SERINC1: variants seen among roughly 807,000 people sequenced by gnomAD.
SERINC1 encodes the protein serine incorporator 1.
A neutral mutation model predicts 52.9 loss-of-function variants in SERINC1; 38 were observed. The observed-to-expected ratio is 0.72, with a 90% CI of 0.55 to 0.94. The LOEUF (loss-of-function observed/expected upper bound fraction) is 0.94. Ranked by LOEUF, SERINC1 falls within the 40% of genes least tolerant of loss-of-function variation. The pLI, the probability that SERINC1 is intolerant of heterozygous loss-of-function variation, is 0.00. For synonymous variants in SERINC1, 198 were observed against 183.1 expected, an observed-to-expected ratio of 1.08 and a Z score of -0.66; for missense variants, 471 against 533.9, an observed-to-expected ratio of 0.88 and a Z score of 1.16.
At chr6:122,448,630 T>C (rs1307904075) in intron 7 of SERINC1, among the ~76,000 whole-genome samples, 1 of 152,166 alleles carries the variant, frequency 6.6e-6, no homozygotes, top group Non-Finnish European at 1.5e-5. Context: ...AATTTAATAA[T>C]GTGAAAAAAT....
chr6:122,471,283 C>A (rs1443757655), intron 1 of SERINC1, among the ~76,000 whole-genome samples: 1 of 151,862 alleles, frequency 6.6e-6, no homozygotes, highest in African/African-American at 2.4e-5. Context: ...AGTCTGAGGT[C>A]GCCAGGAAAG....
Position 122,454,170 on chromosome 6 carries a change from T to C in SERINC1, c.432A>G (p.Pro144=), listed in dbSNP as rs1774959348. Residue 144 remains proline (P), a synonymous_variant, in exon 4 of 10, where the codon CCA becomes CCG. Transcript: ENST00000339697. ...TCTTACCAGTTGTAAAAGTTCCTTC[T>C]GGAATGAAGAATGCCCCAATAATAA... ...IAIIIGAFFI[P]EGTFTTVWFY... 6 of 1,587,804 alleles carry C rather than the reference T, an allele frequency of 3.8e-6. No homozygotes were observed. In the East Asian group the frequency reaches 1.1e-4, roughly 30 times the overall value.
intron 7 of SERINC1, among the ~76,000 whole-genome samples, chr6:122,450,281 CCTCT>C (rs1582630660): frequency 1.3e-5 from 2 of 152,238 alleles, no homozygotes; most frequent in East Asian, 3.9e-4. Flanking sequence ...GTCTATTCAG[CCTCT>C]CTATGAATAG....
intron 5 of SERINC1, among the ~76,000 whole-genome samples, chr6:122,452,705 G>A (rs1347013957): frequency 2.0e-5 from 3 of 152,180 alleles, no homozygotes; most frequent in Non-Finnish European, 4.4e-5. Context: ...TTTATTGAAT[G>A]CCTGCATTCC....
chr6:122,454,380 A>G, intron 3 of SERINC1, 150 bp from the exon 4 acceptor site: 1 of 566,196 alleles, frequency 1.8e-6, no homozygotes, highest in South Asian at 2.5e-5. Flanking sequence ...GAGTGTAGCC[A>G]TATTTGTAAC....
chr6:122,448,135 A>G (rs1483587591), intron 7 of SERINC1, among the ~76,000 whole-genome samples: 1 of 151,942 alleles, frequency 6.6e-6, no homozygotes, highest in Non-Finnish European at 1.5e-5. Context: ...TAGGATTGCT[A>G]AAATATTCAC....
In SERINC1 at chr6:122,444,239, A is replaced by C. The variant is rs1021087535; in HGVS notation, c.*805T>G. ...TGGGCTCAAGTAATCTACCCACCTC[A>C]GCCTCCCAAAGTGCTGGGATTACAA... is the stretch of plus-strand genomic sequence containing the variant. On this transcript the variant is annotated 3_prime_UTR_variant, in exon 10 of 10. Coordinates refer to ENST00000339697, the MANE Select transcript of SERINC1 (RefSeq NM_020755.4). 1.3e-5 allele frequency: 2 copies of C among 152,354 alleles called. No homozygotes were observed. Among genetic ancestry groups the C allele is most frequent in the East Asian group, 3.9e-4 (2 of 5,164 alleles). 9.4% of individuals were successfully genotyped at this position (152,354 alleles called of 1,614,324 possible).
intron 1 of SERINC1, among the ~76,000 whole-genome samples, chr6:122,459,067 T>C (rs1359289814): frequency 6.6e-6 from 1 of 152,066 alleles, no homozygotes; most frequent in Non-Finnish European, 1.5e-5. Context: ...GACTGATGAA[T>C]ACAAAAAATT....
Position 122,446,881 on chromosome 6 carries a change from T to G in SERINC1, c.1119A>C (p.Arg373=). The change falls in exon 9 of 10, where the codon CGA becomes CGC. Residue 373 remains arginine (R), a synonymous_variant. Transcript: ENST00000339697. The part of the protein sequence containing the change: ...GSLEDGDDVH[R]AVDNERDGVT... ...CACCATCCCTTTCATTATCTACAGC[T>G]CGGTGAACATCGTCCCCATCCTCCA... The G allele has an allele frequency of 6.2e-7, 1 of 1,613,368 alleles. No homozygotes were observed. Among genetic ancestry groups the G allele is most frequent in the Non-Finnish European group, 8.5e-7 (1 of 1,179,312 alleles).
At chr6:122,457,456 T>C (rs546925620) in intron 2 of SERINC1, among the ~76,000 whole-genome samples, 220 of 152,312 alleles carry the variant, frequency 1.4e-3, no homozygotes, top group African/African-American at 5.0e-3. Flanking sequence ...TGTATATTAT[T>C]ATGGACTTCG....
rs369819136 is a variant in SERINC1 at position 122,451,772 on chromosome 6, A to T, written c.760-18T>A. On this transcript the variant is annotated intron_variant, in intron 6 of 9. Transcript: ENST00000339697. ...TGTGATTCCTACAAAAAAAAAAAAA[A>T]AAAAATATATATATATATATATAGC... 3.2e-5 allele frequency: 8 copies of T among 246,808 alleles called. No individual in the cohort carries two copies. The highest frequency in any genetic ancestry group is 1.5e-4 in the Admixed American group (1 of 6,612). 15.3% of individuals were successfully genotyped at this position (246,808 alleles called of 1,614,324 possible).
In SERINC1 at chr6:122,451,776, A is replaced by AAAAAAAATATATATATAT; in HGVS notation, c.760-23_760-22insATATATATATATTTTTTT. On this transcript the variant is annotated intron_variant, in intron 6 of 9. Transcript: ENST00000339697. Reference sequence around the variant, plus strand: ...ATTCCTACAAAAAAAAAAAAAAAAAAATATATATATATATATATAGCAACA... The same window carrying AAAAAAAATATATATATAT: ...ATTCCTACAAAAAAAAAAAAAAAAAAAAAAAAATATATATATATATATATATATATATATATAGCAACA... 4.1e-4 allele frequency: 46 copies of AAAAAAAATATATATATAT among 113,064 alleles called. 1 individual carries two copies. The highest frequency in any genetic ancestry group is 1.4e-3 in the African/African-American group (19 of 13,430). The allele number at this position is 113,064 out of a possible 1,614,324, so 7.0% of individuals were successfully genotyped here. A position where few individuals can be genotyped will look rare whatever the true frequency, so the allele number is the denominator to read the frequency against.
At chr6:122,468,127 A>G (rs1775217744) in intron 1 of SERINC1, among the ~76,000 whole-genome samples, 1 of 152,204 alleles carries the variant, frequency 6.6e-6, no homozygotes, top group Non-Finnish European at 1.5e-5. Flanking sequence ...CCTGGGAACT[A>G]GGGGAATGGG....
At chr6:122,464,481 C>G (rs1775154340) in intron 1 of SERINC1, among the ~76,000 whole-genome samples, 2 of 152,246 alleles carry the variant, frequency 1.3e-5, no homozygotes, top group South Asian at 4.1e-4. Context: ...AACTCTTCAG[C>G]TACTCAGGCA....
At chr6:122,467,041 G>C (rs562616) in intron 1 of SERINC1, among the ~76,000 whole-genome samples, 121,171 of 152,068 alleles carry the variant, frequency 0.8, 48,505 homozygotes, top group South Asian at 0.92. Context: ...CTCCTATGTG[G>C]TTCTGTCAAG....
chr6:122,448,429 CAG>C (rs1192903408), intron 7 of SERINC1, among the ~76,000 whole-genome samples: 4 of 152,200 alleles, frequency 2.6e-5, no homozygotes, highest in Admixed American at 1.3e-4. Flanking sequence ...CATATAACAT[CAG>C]ATAAATTTTT....
At chr6:122,449,962 G>A (rs1227159336) in intron 7 of SERINC1, among the ~76,000 whole-genome samples, 1 of 152,114 alleles carries the variant, frequency 6.6e-6, no homozygotes, top group Non-Finnish European at 1.5e-5. Flanking sequence ...TGCAGTGAAC[G>A]GGGATTGTGC....
chr6:122,444,830 T>G lies in SERINC1; in HGVS notation c.*214A>C. On this transcript the variant is annotated 3_prime_UTR_variant, in exon 10 of 10. Coordinates refer to ENST00000339697, the MANE Select transcript of SERINC1 (RefSeq NM_020755.4). ...GGCCACTTTTACTAACTCATCACCA[T>G]ATTCATAAAACTTTCCTCTGCAATT... The G allele has an allele frequency of 1.9e-6, 1 of 530,898 alleles. No homozygotes were observed. The highest frequency in any genetic ancestry group is 2.6e-5 in the South Asian group (1 of 38,686). 32.9% of individuals were successfully genotyped at this position (530,898 alleles called of 1,614,324 possible). A position where few individuals can be genotyped will look rare whatever the true frequency, so the allele number is the denominator to read the frequency against.
chr6:122,468,372 GCACGCCT>G (rs1775221464), intron 1 of SERINC1, among the ~76,000 whole-genome samples: 1 of 152,076 alleles, frequency 6.6e-6, no homozygotes, highest in Admixed American at 6.6e-5. Flanking sequence ...GATGCTAGTG[GCACGCCT>G]CACCCCAGGT....
Sources: allele counts gnomAD v4.1 joint callset (sites outside exome capture counted in the v4.1 genomes callset), GRCh38; gene constraint gnomAD v4.1.1; transcripts MANE v1.5; gene names NCBI Gene and HGNC (gene_info 2026-07-23, HGNC 2026-07-21).